WIPI1: variants seen among roughly 807,000 people sequenced by gnomAD.
WIPI1 encodes the protein WD repeat domain phosphoinositide-interacting protein 1.
WIPI1 carries 45 observed loss-of-function variants against 55.3 expected under a neutral mutation model. The observed-to-expected ratio is 0.81, with a 90% CI of 0.64 to 1.04. The LOEUF is 1.04. WIPI1 is among the 50% of genes least tolerant of loss of function. The probability of loss-of-function intolerance (pLI) is 0.00; values close to 1 mark genes in which losing one functional copy is unlikely to be tolerated. For synonymous variants in WIPI1, 195 were observed against 217.6 expected, an observed-to-expected ratio of 0.90 and a Z score of 0.92; for missense variants, 445 against 559.0, an observed-to-expected ratio of 0.80 and a Z score of 2.06.
intron 7 of WIPI1, among the ~76,000 whole-genome samples, chr17:68,433,955 G>C (rs1483443258): frequency 6.6e-6 from 1 of 151,760 alleles, no homozygotes; most frequent in Non-Finnish European, 1.5e-5. Context: ...GCTAATTTTT[G>C]TATTTTTAGT....
chr17:68,441,463 C>T (rs766808830), intron 4 of WIPI1, among the ~76,000 whole-genome samples: 1 of 152,190 alleles, frequency 6.6e-6, no homozygotes, highest in African/African-American at 2.4e-5. Context: ...ATAAAATCAA[C>T]AGTCACAGTT....
intron 9 of WIPI1, among the ~76,000 whole-genome samples, chr17:68,429,247 A>G (rs1055489412): frequency 2.0e-5 from 3 of 152,196 alleles, no homozygotes; most frequent in African/African-American, 7.2e-5. Context: ...TCCCTCTGAC[A>G]TGTGTCTCTG....
At chr17:68,440,121 G>C (rs2084013365) in intron 4 of WIPI1, among the ~76,000 whole-genome samples, 1 of 152,180 alleles carries the variant, frequency 6.6e-6, no homozygotes, top group Non-Finnish European at 1.5e-5. Context: ...GGCATACTCT[G>C]ACACATACCA....
intron 11 of WIPI1, 79 bp from the exon 12 acceptor site, chr17:68,426,254 G>GGGGGGCCCCCCC: frequency 1.2e-6 from 1 of 816,920 alleles, no homozygotes; most frequent in Non-Finnish European, 1.9e-6. Context: ...GGGAGCGGGG[G>GGGGGGCCCCCCC]CTCAAATAAA....
In WIPI1 at chr17:68,444,488, C is replaced by T. The variant is rs1372721169; in HGVS notation, c.430+5G>A. ...AGGGACATTTGTTCCATTTTTGGAG[C>T]TCACCTGTTGGGTTTGCAGGAATAT... is the stretch of plus-strand genomic sequence containing the variant. On this transcript the variant is annotated splice_donor_5th_base_variant and intron_variant, in intron 4 of 12. Transcript: ENST00000262139. 6.2e-7 allele frequency: 1 copy of T among 1,610,588 alleles called. No individual in the cohort carries two copies. The highest frequency in any genetic ancestry group is 8.5e-7 in the Non-Finnish European group (1 of 1,178,682).
chr17:68,449,871 C>T lies in WIPI1; in HGVS notation c.333+857G>A, dbSNP rs531604124. ...AAAAAATACAGAAAAATTAGCTGGGCGTGGTGGTGCCCACCTGTAGTCCCA... is the reference window on the plus strand; with the variant it reads ...AAAAAATACAGAAAAATTAGCTGGGTGTGGTGGTGCCCACCTGTAGTCCCA... On this transcript the variant is annotated intron_variant, in intron 3 of 12. Coordinates refer to ENST00000262139, the MANE Select transcript of WIPI1 (RefSeq NM_017983.7). Among the ~76,000 whole-genome samples the T allele has an allele frequency of 9.2e-5, 14 of 152,122 alleles. No individual in the cohort carries two copies. In the East Asian group the frequency reaches 1.2e-3, roughly 13 times the overall value.
intron 12 of WIPI1, among the ~76,000 whole-genome samples, chr17:68,425,419 C>T (rs1341118120): frequency 2.2e-5 from 3 of 138,188 alleles, no homozygotes. Flanking sequence ...TGGGGTTTTG[C>T]TGTGTTGCCC....
At chr17:68,442,217 A>C (rs1376417767) in intron 4 of WIPI1, among the ~76,000 whole-genome samples, 1 of 152,166 alleles carries the variant, frequency 6.6e-6, no homozygotes, top group Non-Finnish European at 1.5e-5. Flanking sequence ...TAATTCCAGC[A>C]CTTTGGGAGG....
chr17:68,448,900 G>A (rs1302231313), intron 3 of WIPI1, among the ~76,000 whole-genome samples: 1 of 152,096 alleles, frequency 6.6e-6, no homozygotes, highest in East Asian at 1.9e-4. Flanking sequence ...AAGAATGCAG[G>A]TTTCTTTTCT....
At chr17:68,429,465 C>T (rs2083410928) in intron 9 of WIPI1, among the ~76,000 whole-genome samples, 1 of 152,196 alleles carries the variant, frequency 6.6e-6, no homozygotes, top group African/African-American at 2.4e-5. Flanking sequence ...GTTTTTAAGA[C>T]AGTGTCATTA....
chr17:68,440,788 C>T (rs2084041280), intron 4 of WIPI1: 1 of 152,200 alleles, frequency 6.6e-6, no homozygotes, highest in South Asian at 2.1e-4. Flanking sequence ...AAATGATTCT[C>T]ATCTTGGTAT....
rs762550695 is a variant in WIPI1, at chr17:68,433,497, G to A, written c.771C>T (p.His257=). ...TGGTGACCTGTTCCAGCTTGAAGATGTGTACCGTCTCGGTGTTACTGGAGG... is the reference window on the plus strand; with the variant it reads ...TGGTGACCTGTTCCAGCTTGAAGATATGTACCGTCTCGGTGTTACTGGAGG... The part of the protein sequence containing the change: ...LCASSNTETV[H]IFKLEQVTNS... The change falls in exon 8 of 13, where the codon CAC becomes CAT. Residue 257 remains histidine (H), a synonymous_variant. Coordinates refer to ENST00000262139, the MANE Select transcript of WIPI1 (RefSeq NM_017983.7). 2 of 1,614,116 alleles carry A rather than the reference G, an allele frequency of 1.2e-6. No homozygotes were observed. The highest frequency in any genetic ancestry group is 2.2e-5 in the South Asian group (2 of 91,074).
At chr17:68,427,971 T>A (rs1486142581) in intron 10 of WIPI1, among the ~76,000 whole-genome samples, 4 of 151,376 alleles carry the variant, frequency 2.6e-5, no homozygotes, top group African/African-American at 4.9e-5. Context: ...CTTACTGCAG[T>A]CTTGACCTTC....
In WIPI1 at chr17:68,450,887, C is replaced by T. The variant is rs768427458; in HGVS notation, c.174G>A (p.Pro58=). ...AGAGGCGCTCCACGATGTAGACGTC[C>T]GGGATTTCATCTGGGAGGAAAAGCA... ...LDQVHGSNEI[P]DVYIVERLFS... Residue 58 remains proline, a synonymous_variant, in exon 3 of 13, where the codon CCG becomes CCA. Transcript: ENST00000262139. 72 of 1,611,540 alleles carry T rather than the reference C, an allele frequency of 4.5e-5. No homozygotes were observed. The highest frequency in any genetic ancestry group is 6.7e-5 in the African/African-American group (5 of 74,702).
At chr17:68,430,388 A>G (rs979058918) in intron 8 of WIPI1, among the ~76,000 whole-genome samples, 2 of 152,218 alleles carry the variant, frequency 1.3e-5, no homozygotes, top group Non-Finnish European at 2.9e-5. Flanking sequence ...AAAGCTGTTA[A>G]AAGGTTCCCA....
At chr17:68,451,595 C>A (rs933459830) in intron 2 of WIPI1, among the ~76,000 whole-genome samples, 3 of 152,212 alleles carry the variant, frequency 2.0e-5, no homozygotes, top group African/African-American at 7.2e-5. Flanking sequence ...TTTTCATCTA[C>A]CCTTTCCCTG....
rs528093780 is a variant in WIPI1 at position 68,428,771 on chromosome 17, G to A, written c.1073+58C>T. On this transcript the variant is annotated intron_variant, in intron 10 of 12. Transcript: ENST00000262139. ...CTGAAGCTTGTCGTTCTTGGCGAAG[G>A]GACAACTCTACACGACCAGCTCTCG... is the stretch of plus-strand genomic sequence containing the variant. The A allele has an allele frequency of 2.3e-5, 31 of 1,364,796 alleles. 2 individuals carry two copies. The African/African-American group carries it at 2.7e-4, about 12-fold the overall frequency. The allele number at this position is 1,364,796 out of a possible 1,614,324, so 84.5% of individuals were successfully genotyped here.
In WIPI1 at chr17:68,450,634, T is replaced by C. The variant is rs2084462772; in HGVS notation, c.333+94A>G. 10 of 1,463,442 alleles carry C rather than the reference T, an allele frequency of 6.8e-6. No individual in the cohort carries two copies. In the South Asian group the frequency reaches 1.4e-4, roughly 20 times the overall value. The allele number at this position is 1,463,442 out of a possible 1,614,324, so 90.7% of individuals were successfully genotyped here. On this transcript the variant is annotated intron_variant, in intron 3 of 12. Coordinates refer to ENST00000262139, the MANE Select transcript of WIPI1 (RefSeq NM_017983.7). ...TAACATTCTCATTAGAATTGGAAGC[T>C]TGTTTTACAGACATTGATCTTGAAA... is the stretch of plus-strand genomic sequence containing the variant.
intron 3 of WIPI1, among the ~76,000 whole-genome samples, chr17:68,444,863 C>G (rs1235799704): frequency 6.6e-6 from 1 of 150,678 alleles, no homozygotes; most frequent in Non-Finnish European, 1.5e-5. Flanking sequence ...CCCTCCATTC[C>G]TCCCTCCCTC....
Sources: allele counts gnomAD v4.1 joint callset (sites outside exome capture counted in the v4.1 genomes callset), GRCh38; gene constraint gnomAD v4.1.1; transcripts MANE v1.5; gene names NCBI Gene and HGNC (gene_info 2026-07-23, HGNC 2026-07-21).